LIPA: variants seen among roughly 807,000 people sequenced by gnomAD.
LIPA encodes lysosomal acid lipase/cholesteryl ester hydrolase.
In LIPA, 26 loss-of-function variants were observed where a neutral mutation model predicts 40.6. The observed-to-expected ratio is 0.64, with a 90% CI of 0.47 to 0.89. The LOEUF is 0.89. LIPA is among the 40% of genes least tolerant of loss of function. LIPA has a pLI of 0.00. For synonymous variants in LIPA, 188 were observed against 168.4 expected (o/e 1.12, Z -0.90); for missense variants, 455 against 479.6 (o/e 0.95, Z 0.48).
intron 2 of LIPA, chr10:89,402,267 T>G: frequency 2.6e-6 from 4 of 1,547,370 alleles, no homozygotes; most frequent in Non-Finnish European, 3.5e-6. Context: ...GAAAATCTGT[T>G]TTTGTTTTTA....
chr10:89,379,481 T>C (rs996921038), intron 2 of LIPA, among the ~76,000 whole-genome samples: 3 of 152,194 alleles, frequency 2.0e-5, no homozygotes, highest in African/African-American at 7.2e-5. Context: ...TTTCTTTTTT[T>C]CCTGGTGTAG....
intron 2 of LIPA, among the ~76,000 whole-genome samples, chr10:89,369,512 T>C (rs1307775967): frequency 6.6e-6 from 1 of 152,150 alleles, no homozygotes; most frequent in African/African-American, 2.4e-5. Flanking sequence ...GCCATTGAGC[T>C]AAGTTCTGAA....
intron 1 of LIPA, among the ~76,000 whole-genome samples, chr10:89,321,485 G>A (rs1843571773): frequency 6.6e-6 from 1 of 152,158 alleles, no homozygotes; most frequent in African/African-American, 2.4e-5. Context: ...ATTATCACTG[G>A]CCATCAGAGA....
upstream of LIPA, among the ~76,000 whole-genome samples, chr10:89,345,753 A>G (rs548053600): frequency 3.3e-5 from 5 of 152,212 alleles, no homozygotes; most frequent in Admixed American, 6.5e-5. Context: ...CTCAGAATGC[A>G]GCACAGAAAA....
At chr10:89,344,235 A>G (rs913093971), upstream of LIPA, among the ~76,000 whole-genome samples, 1 of 152,262 alleles carries the variant, frequency 6.6e-6, no homozygotes, top group Non-Finnish European at 1.5e-5. Flanking sequence ...AGCTGCATTT[A>G]TAAGAGAGTA....
At chr10:89,352,788 T>TAAAAAAAAAAAA (rs34514402) in intron 2 of LIPA, among the ~76,000 whole-genome samples, 2 of 113,132 alleles carry the variant, frequency 1.8e-5, no homozygotes, top group Non-Finnish European at 3.7e-5. Context: ...ACTACAAAGA[T>TAAAAAAAAAAAA]AAAAAAAAAA....
chr10:89,380,651 G>A (rs1033273994), intron 2 of LIPA, among the ~76,000 whole-genome samples: 7 of 152,032 alleles, frequency 4.6e-5, no homozygotes, highest in Non-Finnish European at 7.4e-5. Context: ...CATGCTGGTC[G>A]TGAACTCCTG....
chr10:89,244,589 AT>A (rs962376793), intron 3 of LIPA, among the ~76,000 whole-genome samples: 1 of 152,078 alleles, frequency 6.6e-6, no homozygotes, highest in Non-Finnish European at 1.5e-5. Context: ...TCTCAAAAAA[AT>A]AAATAAATAA....
At position 89,396,470 on chromosome 10, in the gene LIPA, C is replaced by T. The variant is rs1264255770; in HGVS notation, c.61+16321G>A. On this transcript the variant is annotated intron_variant, in intron 2 of 8. Coordinates refer to the LIPA transcript ENST00000371837. ...GAAGCACATACAAAGAGGGTCTAAA[C>T]CCAGGGGGCATCCTCACATTATAAC... 1.8e-4 allele frequency among the ~76,000 whole-genome samples: 28 copies of T among 152,170 alleles called. 1 individual carries two copies. The highest frequency in any genetic ancestry group is 1.8e-3 in the Admixed American group (28 of 15,280).
chr10:89,278,766 A>G (rs1386596438), intron 1 of LIPA, among the ~76,000 whole-genome samples: 1 of 151,978 alleles, frequency 6.6e-6, no homozygotes, highest in Admixed American at 6.6e-5. Flanking sequence ...TTATGGAAGA[A>G]CACAAAATAT....
At chr10:89,367,167 G>T (rs557425591) in intron 2 of LIPA, among the ~76,000 whole-genome samples, 1 of 139,190 alleles carries the variant, frequency 7.2e-6, no homozygotes, top group East Asian at 2.5e-4. Flanking sequence ...ACACACCGGG[G>T]CCTGTCGTGG....
rs775344851 is a variant in LIPA, at chr10:89,305,926, G to A, written c.-2+36685C>T. 4.9e-6 allele frequency: 7 copies of A among 1,436,610 alleles called. No homozygotes were observed. In the East Asian group the frequency reaches 1.6e-4, roughly 33 times the overall value. 89.0% of individuals were successfully genotyped at this position (1,436,610 alleles called of 1,614,324 possible). A position where few individuals can be genotyped will look rare whatever the true frequency, so the allele number is the denominator to read the frequency against. ...CTCCCATTTCTTGACATATAAATCTGTGTCTCAAAGTCCATCTTTGTGTTT... is the reference window on the plus strand; with the variant it reads ...CTCCCATTTCTTGACATATAAATCTATGTCTCAAAGTCCATCTTTGTGTTT... On this transcript the variant is annotated intron_variant, in intron 1 of 5. Coordinates refer to the LIPA transcript ENST00000282673.
At chr10:89,370,532 C>T (rs1299905281) in intron 2 of LIPA, among the ~76,000 whole-genome samples, 1 of 152,074 alleles carries the variant, frequency 6.6e-6, no homozygotes, top group Admixed American at 6.5e-5. Context: ...CCCAACCCAC[C>T]CTAGAACATT....
chr10:89,237,001 C>T lies in LIPA; in HGVS notation c.230-8603G>A, dbSNP rs147865695. Among the ~76,000 whole-genome samples, 31 of 152,264 alleles carry T rather than the reference C, an allele frequency of 2.0e-4. No homozygotes were observed. In the East Asian group the frequency reaches 4.8e-3, roughly 24 times the overall value. ...TTAAAATGCCAATATAGACCAGGCA[C>T]GGTGGCTTATGTTTGTAATCCCAGC... On this transcript the variant is annotated intron_variant, in intron 3 of 9. Transcript: ENST00000336233.
At chr10:89,380,435 CT>C (rs58504474) in intron 2 of LIPA, among the ~76,000 whole-genome samples, 27,856 of 140,742 alleles carry the variant, frequency 0.2, 3,110 homozygotes, top group East Asian at 0.54. Flanking sequence ...ACAAACTCAT[CT>C]TTTTTTTTTT....
chr10:89,401,739 G>A (rs1844426963), intron 2 of LIPA, among the ~76,000 whole-genome samples: 1 of 150,802 alleles, frequency 6.6e-6, no homozygotes, highest in African/African-American at 2.4e-5. Flanking sequence ...TCTCTGTACT[G>A]TCTTTGCAAC....
At chr10:89,252,529 T>C (rs1044128618), upstream of LIPA, among the ~76,000 whole-genome samples, 6 of 152,108 alleles carry the variant, frequency 3.9e-5, no homozygotes, top group African/African-American at 1.4e-4. Flanking sequence ...AACAAGGGGC[T>C]GGGCACAGTG....
At chr10:89,301,862 A>C (rs759096599) in intron 1 of LIPA, 64 of 372,288 alleles carry the variant, frequency 1.7e-4, no homozygotes, top group Non-Finnish European at 3.0e-4. Context: ...TCTTTCTCTG[A>C]TCACAACTCA....
chr10:89,258,002 C>T (rs955561020), intron 1 of LIPA, among the ~76,000 whole-genome samples: 1 of 152,164 alleles, frequency 6.6e-6, no homozygotes, highest in Non-Finnish European at 1.5e-5. Context: ...AGTGGGAAAA[C>T]ATTGTAACAC....
Sources: allele counts gnomAD v4.1 joint callset (sites outside exome capture counted in the v4.1 genomes callset), GRCh38; gene constraint gnomAD v4.1.1; transcripts MANE v1.5; gene names NCBI Gene and HGNC (gene_info 2026-07-23, HGNC 2026-07-21).